Variants in CRHR1 observed in about 807,000 individuals in gnomAD.
CRHR1 encodes corticotropin releasing hormone receptor 1.
CRHR1 carries 28 observed loss-of-function variants against 56.0 expected under a neutral mutation model. The ratio of observed to expected loss-of-function variants is 0.50; its 90% CI spans 0.37 to 0.69. The LOEUF (loss-of-function observed/expected upper bound fraction) is 0.69, where lower values mean the gene tolerates loss of function less well. Ranked by LOEUF, CRHR1 falls within the 30% of genes least tolerant of loss-of-function variation. The pLI, the probability that CRHR1 is intolerant of heterozygous loss-of-function variation, is 0.00. For synonymous variants in CRHR1, 195 were observed against 216.5 expected (o/e 0.90, Z 0.87); for missense variants, 376 against 548.0 (o/e 0.69, Z 3.13).
At chr17:45,818,136 C>T (rs967329185) in intron 3 of CRHR1, among the ~76,000 whole-genome samples, 5 of 152,172 alleles carry the variant, frequency 3.3e-5, no homozygotes, top group African/African-American at 1.2e-4. Flanking sequence ...CGTGTCTGGG[C>T]CTACCTGCCC....
intron 4 of CRHR1, among the ~76,000 whole-genome samples, chr17:45,824,960 T>G (rs2062126110): frequency 6.6e-6 from 1 of 151,980 alleles, no homozygotes. Flanking sequence ...TGCCATCTCT[T>G]TCCTCTGCAG....
In CRHR1 at chr17:45,803,785, T is replaced by C. The variant is rs371837518; in HGVS notation, c.34-3225T>C. Among the ~76,000 whole-genome samples the C allele has an allele frequency of 1.1e-4, 11 of 100,798 alleles. 1 individual carries two copies. Among genetic ancestry groups the C allele is most frequent in the South Asian group, 8.9e-4 (3 of 3,386 alleles). The allele number at this position is 100,798 out of a possible 152,430, so 66.1% of individuals were successfully genotyped here. On this transcript the variant is annotated intron_variant, in intron 1 of 12. Coordinates refer to ENST00000314537, the MANE Select transcript of CRHR1 (RefSeq NM_004382.5). ...GTGTGTGTGTGTGTGTGCGTGCGCG[T>C]GCGCGTGTGTGCATGTGTGTGTGTT...
rs755621588 is a variant in CRHR1, at chr17:45,830,541, G to A, written c.680G>A (p.Arg227His). ...IVLTYSTDRLRKWMFICIGWG... is the reference protein window; with the variant it reads ...IVLTYSTDRLHKWMFICIGWG... ...CTCACCTACTCCACTGACCGGCTGC[G>A]CAAATGGATGTTCATCTGCATTGGC... The change falls in exon 7 of 13, where the codon CGC becomes CAC. Residue 227 changes from arginine (R) to histidine (H), a missense_variant. Arg to His is a conservative substitution (Grantham distance 29). Coordinates refer to ENST00000314537, the MANE Select transcript of CRHR1 (RefSeq NM_004382.5). The A allele has an allele frequency of 8.7e-6, 14 of 1,612,306 alleles. No individual in the cohort carries two copies. The highest frequency in any genetic ancestry group is 2.7e-5 in the African/African-American group (2 of 74,922).
Position 45,814,093 on chromosome 17 carries a change from G to A in CRHR1, c.122-2370G>A, listed in dbSNP as rs556431911. Among the ~76,000 whole-genome samples the A allele has an allele frequency of 9.2e-5, 14 of 152,368 alleles. No homozygotes were observed. The South Asian group carries it at 2.1e-3, about 23-fold the overall frequency. ...AAAGCAAGGCGCAAGAAGACTGGCC[G>A]GGGAAGGGAAGAAGGAAGGGCAGGG... On this transcript the variant is annotated intron_variant, in intron 2 of 12. Coordinates refer to ENST00000314537, the MANE Select transcript of CRHR1 (RefSeq NM_004382.5).
In CRHR1 at chr17:45,784,979, C is replaced by G. The variant is rs938310617; in HGVS notation, c.33+402C>G. Among the ~76,000 whole-genome samples the G allele has an allele frequency of 9.2e-5, 14 of 152,190 alleles. No homozygotes were observed. Among genetic ancestry groups the G allele is most frequent in the African/African-American group, 3.4e-4 (14 of 41,462 alleles). ...GCGGGGTTCCCACCTCGCCCCAGCG[C>G]CCCCAAACAGCTCCCCGACTCCGCA... On this transcript the variant is annotated intron_variant, in intron 1 of 12. Coordinates refer to ENST00000314537, the MANE Select transcript of CRHR1 (RefSeq NM_004382.5). This position sits in a 1 kb window ranked among gnomAD's most constrained non-coding sequence, Gnocchi z 4.2.
At chr17:45,790,276 A>T (rs1267191810) in intron 1 of CRHR1, among the ~76,000 whole-genome samples, 2 of 152,220 alleles carry the variant, frequency 1.3e-5, no homozygotes, top group Admixed American at 6.5e-5. Context: ...TTTGAAAATA[A>T]CTAGCTGGAT....
Position 45,784,403 on chromosome 17 carries a change from G to C in CRHR1, c.-142G>C. 1 of 590,304 alleles carries C rather than the reference G, an allele frequency of 1.7e-6. No homozygotes were observed. The highest frequency in any genetic ancestry group is 2.5e-6 in the Non-Finnish European group (1 of 400,914). 36.6% of individuals were successfully genotyped at this position (590,304 alleles called of 1,614,324 possible). A position where few individuals can be genotyped will look rare whatever the true frequency, so the allele number is the denominator to read the frequency against. On this transcript the variant is annotated 5_prime_UTR_variant, in exon 1 of 13. Transcript: ENST00000314537. This position sits in a 1 kb window ranked among gnomAD's most constrained non-coding sequence, Gnocchi z 4.2. ...CCGGGCCGCGGGGCCGGGAAGCGCC[G>C]AGCCGGGCATCTCCTCACCAGGCAG... is the stretch of plus-strand genomic sequence containing the variant.
At chr17:45,834,085 T>G in intron 12 of CRHR1, 37 bp downstream of exon 12, 1 of 1,607,410 alleles carries the variant, frequency 6.2e-7, no homozygotes, top group Non-Finnish European at 8.5e-7. Context: ...GGTTCAGGGC[T>G]GTGAGGCCTG....
chr17:45,792,327 T>C (rs1366120899), intron 1 of CRHR1, among the ~76,000 whole-genome samples: 1 of 152,162 alleles, frequency 6.6e-6, no homozygotes, highest in East Asian at 1.9e-4. Context: ...CAGGTTCTTT[T>C]AAGCAGGTAC....
chr17:45,804,378 G>A (rs1463847670), intron 1 of CRHR1, among the ~76,000 whole-genome samples: 2 of 152,124 alleles, frequency 1.3e-5, no homozygotes, highest in Non-Finnish European at 2.9e-5. Context: ...CTACCGACTC[G>A]GGGGACCATG....
intron 4 of CRHR1, 163 bp from the exon 5 acceptor site, chr17:45,829,052 G>A (rs908560763): frequency 2.1e-5 from 13 of 618,666 alleles, no homozygotes; most frequent in South Asian, 1.7e-4. Context: ...CAAACTGGAC[G>A]GCGTTGCTCT....
At chr17:45,798,213 C>T (rs949377473) in intron 1 of CRHR1, among the ~76,000 whole-genome samples, 1 of 152,180 alleles carries the variant, frequency 6.6e-6, no homozygotes, top group Admixed American at 6.5e-5. Context: ...TGTATCGGGC[C>T]CCACTGAGGA....
At chr17:45,802,095 C>T (rs57891452) in intron 1 of CRHR1, among the ~76,000 whole-genome samples, 2,139 of 152,070 alleles carry the variant, frequency 0.014, 59 homozygotes, top group African/African-American at 0.048. Flanking sequence ...GAGGCCGAGG[C>T]GGGCTGATCA....
rs533708379 is a variant in CRHR1, at chr17:45,811,584, G to A, written c.121+4487G>A. Among the ~76,000 whole-genome samples, 16 of 152,314 alleles carry A rather than the reference G, an allele frequency of 1.1e-4. No individual in the cohort carries two copies. The East Asian group carries it at 1.2e-3, about 11-fold the overall frequency. On this transcript the variant is annotated intron_variant, in intron 2 of 12. Coordinates refer to ENST00000314537, the MANE Select transcript of CRHR1 (RefSeq NM_004382.5). ...CCCAACCAGGAAAGACCCTGAAGGCGTCTACCTGCCCCGTGAATGAGGGAG... is the reference window on the plus strand; with the variant it reads ...CCCAACCAGGAAAGACCCTGAAGGCATCTACCTGCCCCGTGAATGAGGGAG...
rs1363364010 is a variant in CRHR1, at chr17:45,834,806, G to A, written c.*42G>A. 6.2e-7 allele frequency: 1 copy of A among 1,611,198 alleles called. No individual in the cohort carries two copies. The highest frequency in any genetic ancestry group is 1.1e-5 in the South Asian group (1 of 91,022). On this transcript the variant is annotated 3_prime_UTR_variant, in exon 13 of 13. Coordinates refer to ENST00000314537, the MANE Select transcript of CRHR1 (RefSeq NM_004382.5). ...GCAGCCCCCAAAGAGCTGTGGCTGG[G>A]GGGATGACGGCCAGGCTCCCTGACC... is the stretch of plus-strand genomic sequence containing the variant.
At chr17:45,833,307 G>T in intron 9 of CRHR1, 97 bp downstream of exon 9, 1 of 1,477,222 alleles carries the variant, frequency 6.8e-7, no homozygotes, top group Non-Finnish European at 9.5e-7. Flanking sequence ...AGAGGTGGGG[G>T]CCACCCAAAG....
In CRHR1 at chr17:45,816,483, G is replaced by A. The variant is rs779673418; in HGVS notation, c.142G>A (p.Val48Met). Residue 48 changes from valine (V) to methionine (M), a missense_variant, in exon 3 of 13, where the codon GTG becomes ATG. Val to Met is a conservative substitution (Grantham distance 21). Around this residue, in one of 2 missense-constraint regions of CRHR1, gnomAD observed 369 missense variants for 519.5 expected, o/e 0.71. Coordinates refer to ENST00000314537, the MANE Select transcript of CRHR1 (RefSeq NM_004382.5). ...CCCAGGACTGCAGTGCAACGCATCC[G>A]TGGACCTCATTGGCACCTGCTGGCC... Reference protein sequence around the residue: ...NISGLQCNASVDLIGTCWPRS... With the variant: ...NISGLQCNASMDLIGTCWPRS... The A allele has an allele frequency of 2.4e-5, 38 of 1,613,962 alleles. No individual in the cohort carries two copies. The highest frequency in any genetic ancestry group is 1.8e-4 in the East Asian group (8 of 44,888).
intron 2 of CRHR1, among the ~76,000 whole-genome samples, chr17:45,814,412 G>A (rs1206755404): frequency 6.6e-6 from 1 of 152,184 alleles, no homozygotes; most frequent in Non-Finnish European, 1.5e-5. Context: ...TAGATTTAGA[G>A]TCCAAAATAC....
chr17:45,819,374 G>A (rs544092721), intron 3 of CRHR1, among the ~76,000 whole-genome samples: 5 of 152,156 alleles, frequency 3.3e-5, no homozygotes, highest in Non-Finnish European at 7.3e-5. Context: ...TTGATGCTAG[G>A]CTGTCTGGGT....
Sources: allele counts gnomAD v4.1 joint callset (sites outside exome capture counted in the v4.1 genomes callset), GRCh38; gene constraint gnomAD v4.1.1; regional missense constraint gnomAD v4.1.1; non-coding constraint Gnocchi (gnomAD v3.1); transcripts MANE v1.5; gene names NCBI Gene and HGNC (gene_info 2026-07-23, HGNC 2026-07-21).